Variants in ADCK1 observed in about 807,000 individuals in gnomAD.
ADCK1 encodes aarF domain containing kinase 1, also known as aarF domain-containing protein kinase 1.
Under a neutral mutation model 52.3 loss-of-function variants are expected in ADCK1, and 41 were observed. The observed-to-expected ratio is 0.78, with a 90% CI of 0.61 to 1.02. ADCK1 has a LOEUF of 1.02. ADCK1 is among the 50% of genes least tolerant of loss of function. The probability of loss-of-function intolerance (pLI) is 0.00; values close to 1 mark genes in which losing one functional copy is unlikely to be tolerated. For missense variants in ADCK1, 658 were observed against 679.5 expected, an observed-to-expected ratio of 0.97 and a Z score of 0.35; for synonymous variants, 250 against 274.6, an observed-to-expected ratio of 0.91 and a Z score of 0.89.
In ADCK1 at chr14:77,844,905, C is replaced by T. The variant is rs534465598; in HGVS notation, c.220-14171C>T. Among the ~76,000 whole-genome samples the T allele has an allele frequency of 1.2e-3, 183 of 152,308 alleles. 1 individual carries two copies. The highest frequency in any genetic ancestry group is 2.1e-3 in the Non-Finnish European group (146 of 68,032). On this transcript the variant is annotated intron_variant, in intron 3 of 10. Coordinates refer to ENST00000238561, the MANE Select transcript of ADCK1 (RefSeq NM_020421.4). ...AGTGCAGGTTGGAGAATAGGCAAGT[C>T]GTCACCTGGACTCAGAGTGCGTGCT...
At chr14:77,925,086 T>C (rs28447210) in intron 8 of ADCK1, among the ~76,000 whole-genome samples, 15,169 of 152,288 alleles carry the variant, frequency 0.1, 841 homozygotes, top group Middle Eastern at 0.16. Flanking sequence ...GAGCTCCTAC[T>C]TGGAAGATGG....
rs2083230883 is a variant in ADCK1, at chr14:77,889,346, G to GTCTCTTTC, written c.582+2100_582+2107dup. Reference sequence around the variant, plus strand: ...AATTATAATGAGTGAGGTGAATGTGGTCTCTTTCTCAAAATATCTTGTTGT... The same window carrying GTCTCTTTC: ...AATTATAATGAGTGAGGTGAATGTGGTCTCTTTCTCTCTTTCTCAAAATATCTTGTTGT... On this transcript the variant is annotated intron_variant, in intron 5 of 10. Transcript: ENST00000238561. Among the ~76,000 whole-genome samples the GTCTCTTTC allele has an allele frequency of 2.0e-5, 3 of 152,118 alleles. No individual in the cohort carries two copies. The South Asian group carries it at 6.2e-4, about 32-fold the overall frequency.
At chr14:77,901,633 G>T (rs969867082) in intron 6 of ADCK1, among the ~76,000 whole-genome samples, 23 of 151,962 alleles carry the variant, frequency 1.5e-4, no homozygotes, top group African/African-American at 4.4e-4. Context: ...CAAATGATCC[G>T]CCTGCCTCGG....
At position 77,925,950 on chromosome 14, in the gene ADCK1, A is replaced by G. The variant is rs2084184030; in HGVS notation, c.1195A>G (p.Thr399Ala). The G allele has an allele frequency of 1.9e-6, 3 of 1,613,934 alleles. No homozygotes were observed. In the African/African-American group the frequency reaches 4.0e-5, roughly 22 times the overall value. The change falls in exon 9 of 11, where the codon ACT becomes GCT. Residue 399 changes from threonine (T) to alanine (A), a missense_variant. Coordinates refer to ENST00000238561, the MANE Select transcript of ADCK1 (RefSeq NM_020421.4). The stretch of plus-strand genomic sequence containing the variant: ...CAGAGGCATCAGCCAAGCTCCCGTC[A>G]CTGCCACTGAGGTAGGGGGCCCCTC... ...VNRGISQAPV[T>A]ATEDLEIRNN...
At position 77,846,152 on chromosome 14, in the gene ADCK1, C is replaced by T. The variant is rs572505038; in HGVS notation, c.220-12924C>T. 3.3e-5 allele frequency among the ~76,000 whole-genome samples: 5 copies of T among 152,270 alleles called. No individual in the cohort carries two copies. In the South Asian group the frequency reaches 6.2e-4, roughly 19 times the overall value. ...TCTGACCAGAACATCACTATAGTAT[C>T]TCCTTCCGACCATCTCTGCTCCCCT... On this transcript the variant is annotated intron_variant, in intron 3 of 10. Coordinates refer to ENST00000238561, the MANE Select transcript of ADCK1 (RefSeq NM_020421.4).
intron 1 of ADCK1, among the ~76,000 whole-genome samples, chr14:77,807,361 C>T (rs1171302116): frequency 6.6e-6 from 1 of 151,938 alleles, no homozygotes; most frequent in African/African-American, 2.4e-5. Context: ...AGCCACCGCG[C>T]CCGGCCTGGA....
intron 5 of ADCK1, among the ~76,000 whole-genome samples, chr14:77,888,944 C>T (rs2140212742): frequency 6.6e-6 from 1 of 152,288 alleles, no homozygotes; most frequent in East Asian, 1.9e-4. Context: ...ATAAGCCCCA[C>T]ATGTTGTGGG....
chr14:77,805,225 A>AAT (rs1445109801), intron 1 of ADCK1, among the ~76,000 whole-genome samples: 1 of 149,866 alleles, frequency 6.7e-6, no homozygotes, highest in Admixed American at 6.6e-5. Context: ...AAAAAAAAAA[A>AAT]AAAAGAGTCA....
chr14:77,826,751 A>G (rs2081715745), intron 3 of ADCK1, among the ~76,000 whole-genome samples: 1 of 152,174 alleles, frequency 6.6e-6, no homozygotes, highest in Admixed American at 6.5e-5. Context: ...ATTTTGGGGA[A>G]CAGCATATAA....
chr14:77,875,082 G>A (rs1278566613), intron 4 of ADCK1, among the ~76,000 whole-genome samples: 1 of 152,164 alleles, frequency 6.6e-6, no homozygotes, highest in Non-Finnish European at 1.5e-5. Context: ...GCTGGTGTGG[G>A]GAACAAGAGT....
At chr14:77,843,246 GA>G (rs927591872) in intron 3 of ADCK1, among the ~76,000 whole-genome samples, 8 of 152,034 alleles carry the variant, frequency 5.3e-5, no homozygotes, top group Admixed American at 1.3e-4. Context: ...AGGCTTTGAG[GA>G]AATGAAAAAG....
chr14:77,866,253 G>T (rs904575026), intron 4 of ADCK1, among the ~76,000 whole-genome samples: 1 of 152,182 alleles, frequency 6.6e-6, no homozygotes, highest in South Asian at 2.1e-4. Context: ...CATAGAAAAG[G>T]TTCAGTAAAA....
At chr14:77,927,987 G>T (rs1338492153) in intron 9 of ADCK1, among the ~76,000 whole-genome samples, 1 of 152,220 alleles carries the variant, frequency 6.6e-6, no homozygotes, top group Non-Finnish European at 1.5e-5. Flanking sequence ...GGGGTGAGAT[G>T]AGTGGTGGCG....
rs1261740279 is a variant in ADCK1, at chr14:77,899,242, A to G, written c.725A>G (p.His242Arg). The change falls in exon 6 of 11, where the codon CAT (histidine) becomes CGT (arginine). Residue 242 changes from histidine (H) to arginine (R), a missense_variant. Physicochemically the swap from His to Arg is conservative, Grantham distance 29 (BLOSUM62 0). Coordinates refer to ENST00000238561, the MANE Select transcript of ADCK1 (RefSeq NM_020421.4). ...GAGAAGGTGTCCCAGATGCTCAGGC[A>G]TTTTGACTTCTTGAAGGTAGGTGGG... is the stretch of plus-strand genomic sequence containing the variant. ...NAEKVSQMLR[H>R]FDFLKVPRIH... 10 of 1,614,018 alleles carry G rather than the reference A, an allele frequency of 6.2e-6. No homozygotes were observed. Among genetic ancestry groups the G allele is most frequent in the South Asian group, 5.5e-5 (5 of 91,072 alleles).
intron 7 of ADCK1, among the ~76,000 whole-genome samples, chr14:77,909,315 A>G (rs1249032482): frequency 1.3e-5 from 2 of 151,862 alleles, no homozygotes; most frequent in Non-Finnish European, 2.9e-5. Flanking sequence ...TTGTATTTTT[A>G]GTAGAGACAG....
intron 4 of ADCK1, among the ~76,000 whole-genome samples, chr14:77,875,781 G>A (rs1438415518): frequency 6.6e-6 from 1 of 152,166 alleles, no homozygotes; most frequent in Non-Finnish European, 1.5e-5. Flanking sequence ...CTGGTGCTGG[G>A]AAGGAATGAC....
At chr14:77,927,555 A>G (rs2084226392) in intron 9 of ADCK1, among the ~76,000 whole-genome samples, 1 of 152,212 alleles carries the variant, frequency 6.6e-6, no homozygotes, top group African/African-American at 2.4e-5. Flanking sequence ...CAGACAGTAA[A>G]CAAGTGAACA....
intron 3 of ADCK1, chr14:77,827,898 G>A (rs186487084): frequency 1.0e-4 from 41 of 399,808 alleles, no homozygotes; most frequent in Middle Eastern, 8.7e-4. Flanking sequence ...GCGTGATCTC[G>A]GCTCACTGCA....
intron 3 of ADCK1, among the ~76,000 whole-genome samples, chr14:77,842,450 TCCTTCC>T (rs1344419033): frequency 0.029 from 2,823 of 98,278 alleles, 63 homozygotes; most frequent in Middle Eastern, 0.054. Flanking sequence ...TATTTTTTTT[TCCTTCC>T]TTCCTTCCTT....
Sources: allele counts gnomAD v4.1 joint callset (sites outside exome capture counted in the v4.1 genomes callset), GRCh38; gene constraint gnomAD v4.1.1; transcripts MANE v1.5; gene names NCBI Gene and HGNC (gene_info 2026-07-23, HGNC 2026-07-21).